Variants in DPYSL2 observed in about 807,000 individuals in gnomAD.
DPYSL2 encodes the protein dihydropyrimidinase like 2.
Under a neutral mutation model 69.9 loss-of-function variants are expected in DPYSL2, and 13 were observed. The ratio of observed to expected loss-of-function variants is 0.19; its 90% confidence interval spans 0.12 to 0.30. The LOEUF (loss-of-function observed/expected upper bound fraction) is 0.30, where lower values mean the gene tolerates loss of function less well. Ranked by LOEUF, DPYSL2 falls within the 10% of genes least tolerant of loss-of-function variation. The pLI, the probability that DPYSL2 is intolerant of heterozygous loss-of-function variation, is 1.00. For synonymous variants in DPYSL2, 326 were observed against 359.1 expected (o/e 0.91, Z 1.04); for missense variants, 587 against 918.9 (o/e 0.64, Z 4.67).
At chr8:26,655,502 A>T (rs1383287664) in intron 13 of DPYSL2, 113 bp from the exon 14 acceptor site, 7 of 972,918 alleles carry the variant, frequency 7.2e-6, no homozygotes. Context: ...TCTCCAAAAA[A>T]AAAGAATGCG....
Position 26,592,003 on chromosome 8 carries a change from T to C in DPYSL2, c.628+8020T>C, listed in dbSNP as rs373638978. ...ACCACACTGTAAGTTTTTAGTAGTTTCGTTTAATATCCCTCTCTCTGTTCA... is the reference window on the plus strand; with the variant it reads ...ACCACACTGTAAGTTTTTAGTAGTTCCGTTTAATATCCCTCTCTCTGTTCA... On this transcript the variant is annotated intron_variant, in intron 3 of 13. Transcript: ENST00000521913. Among the ~76,000 whole-genome samples the C allele has an allele frequency of 9.3e-5, 14 of 150,642 alleles. No homozygotes were observed. The East Asian group carries it at 1.5e-3, about 17-fold the overall frequency.
intron 1 of DPYSL2, among the ~76,000 whole-genome samples, chr8:26,526,759 G>C (rs1808484974): frequency 6.6e-6 from 1 of 152,232 alleles, no homozygotes; most frequent in South Asian, 2.1e-4. Context: ...AGTCGATCCA[G>C]TTGGGTTTGT....
At chr8:26,523,392 C>A (rs1261668898) in intron 1 of DPYSL2, among the ~76,000 whole-genome samples, 4 of 152,068 alleles carry the variant, frequency 2.6e-5, no homozygotes, top group Non-Finnish European at 5.9e-5. Context: ...AGTATATTCA[C>A]ATTGTTGTGC....
chr8:26,576,460 G>A (rs1563392771), intron 1 of DPYSL2, among the ~76,000 whole-genome samples: 3 of 151,964 alleles, frequency 2.0e-5, no homozygotes, highest in Admixed American at 1.3e-4. Context: ...TGGTCCAGAT[G>A]TTTTAGTTAT....
Position 26,533,555 on chromosome 8 carries a change from AG to A in DPYSL2, c.354+18880del, listed in dbSNP as rs1411774931. On this transcript the variant is annotated intron_variant, in intron 1 of 13. Coordinates refer to ENST00000521913, the MANE Select transcript of DPYSL2 (RefSeq NM_001197293.3). This position sits in a 1 kb window ranked among gnomAD's most constrained non-coding sequence, Gnocchi z 4.8. The stretch of plus-strand genomic sequence containing the variant: ...TTAATTTTTCTATGTGGTATGAGAC[AG>A]GGGTCTAACTTCATTATTTTGCCTG... Among the ~76,000 whole-genome samples, 3 of 152,220 alleles carry A rather than the reference AG, an allele frequency of 2.0e-5. No homozygotes were observed. The highest frequency in any genetic ancestry group is 4.4e-5 in the Non-Finnish European group (3 of 68,048).
intron 3 of DPYSL2, among the ~76,000 whole-genome samples, chr8:26,596,602 A>G (rs1282014631): frequency 6.6e-6 from 1 of 152,246 alleles, no homozygotes; most frequent in African/African-American, 2.4e-5. Context: ...GATATCATTT[A>G]TCGGGAATCT....
chr8:26,582,623 A>G lies in DPYSL2; in HGVS notation c.443+566A>G, dbSNP rs944077841. ...CCCTTGTGTTTATTGTGTTAATGTT[A>G]CAAAGGAGAAGCAACAGGGCAGTTC... On this transcript the variant is annotated intron_variant, in intron 2 of 13. Transcript: ENST00000521913. This position sits in a 1 kb window ranked among gnomAD's most constrained non-coding sequence, Gnocchi z 4.1. 3.3e-5 allele frequency among the ~76,000 whole-genome samples: 5 copies of G among 152,246 alleles called. No homozygotes were observed. Among genetic ancestry groups the G allele is most frequent in the Admixed American group, 2.0e-4 (3 of 15,292 alleles).
rs2129916320 is a variant in DPYSL2, at chr8:26,627,602, C to G, written c.937-270C>G. On this transcript the variant is annotated intron_variant, in intron 6 of 13. Transcript: ENST00000521913. The surrounding 1 kb of genome is among the most constrained non-coding windows in gnomAD (Gnocchi z 6.9). Reference sequence around the variant, plus strand: ...TCACGTCACACACAGGCATTTTACACCGTGGCTGAGGGTTGCAAATGCACC... The same window carrying G: ...TCACGTCACACACAGGCATTTTACAGCGTGGCTGAGGGTTGCAAATGCACC... 6.6e-6 allele frequency among the ~76,000 whole-genome samples: 1 copy of G among 152,294 alleles called. No homozygotes were observed. The highest frequency in any genetic ancestry group is 2.4e-5 in the African/African-American group (1 of 41,568).
At chr8:26,519,470 A>G (rs903956618) in intron 1 of DPYSL2, among the ~76,000 whole-genome samples, 1 of 152,216 alleles carries the variant, frequency 6.6e-6, no homozygotes, top group African/African-American at 2.4e-5. Flanking sequence ...GTAGCATTAT[A>G]TAACTCTAGA....
chr8:26,578,013 C>G, intron 1 of DPYSL2: 1 of 1,384,608 alleles, frequency 7.2e-7, no homozygotes, highest in Non-Finnish European at 9.3e-7. Flanking sequence ...CTCTCTCTCT[C>G]TCTCTTTTTT....
In DPYSL2 at chr8:26,601,885, G is replaced by A. The variant is rs1320474781; in HGVS notation, c.628+17902G>A. 2.6e-5 allele frequency among the ~76,000 whole-genome samples: 4 copies of A among 152,228 alleles called. 1 individual carries two copies. In the South Asian group the frequency reaches 8.3e-4, roughly 31 times the overall value. On this transcript the variant is annotated intron_variant, in intron 3 of 13. Transcript: ENST00000521913. ...TAGCTTGAAATAAGCTCATAGTGGT[G>A]CGAAAGCAGGGATATTGAGGCAGGA...
At chr8:26,546,184 G>T (rs189925342) in intron 1 of DPYSL2, among the ~76,000 whole-genome samples, 1 of 152,216 alleles carries the variant, frequency 6.6e-6, no homozygotes, top group African/African-American at 2.4e-5. Context: ...AAAATTGTAG[G>T]TTTCCTTACA....
intron 1 of DPYSL2, among the ~76,000 whole-genome samples, chr8:26,541,011 T>C (rs770225417): frequency 6.6e-6 from 1 of 152,014 alleles, no homozygotes; most frequent in Non-Finnish European, 1.5e-5. Context: ...CAATTTGTGA[T>C]GGAGTTAAGT....
At chr8:26,583,555 G>A (rs1801534339) in intron 2 of DPYSL2, among the ~76,000 whole-genome samples, 1 of 152,074 alleles carries the variant, frequency 6.6e-6, no homozygotes, top group Non-Finnish European at 1.5e-5. Flanking sequence ...GGGGTTTCTT[G>A]GGAACAAAAC....
At chr8:26,542,223 G>C (rs1186528732) in intron 1 of DPYSL2, among the ~76,000 whole-genome samples, 1 of 152,192 alleles carries the variant, frequency 6.6e-6, no homozygotes, top group African/African-American at 2.4e-5. Context: ...GGGAGGTTGA[G>C]GCTGCAGTGA....
chr8:26,628,242 G>A (rs1014502953), intron 7 of DPYSL2, among the ~76,000 whole-genome samples: 2 of 152,358 alleles, frequency 1.3e-5, no homozygotes, highest in Middle Eastern at 3.4e-3. Flanking sequence ...CTGCAATGTA[G>A]ATTTTAGTGG....
In DPYSL2 at chr8:26,514,772, C is replaced by A; in HGVS notation, c.354+93C>A. 1 of 1,124,182 alleles carries A rather than the reference C, an allele frequency of 8.9e-7. No individual in the cohort carries two copies. The highest frequency in any genetic ancestry group is 1.2e-6 in the Non-Finnish European group (1 of 850,444). The allele number at this position is 1,124,182 out of a possible 1,614,324, so 69.6% of individuals were successfully genotyped here. A position where few individuals can be genotyped will look rare whatever the true frequency, so the allele number is the denominator to read the frequency against. ...GCCCGGCGCGCCCGCCTTCATGCCC[C>A]GCCCTGGACCTCGCCTCCCGCATCT... On this transcript the variant is annotated intron_variant, in intron 1 of 13. Coordinates refer to ENST00000521913, the MANE Select transcript of DPYSL2 (RefSeq NM_001197293.3). This position sits in a 1 kb window ranked among gnomAD's most constrained non-coding sequence, Gnocchi z 8.4.
chr8:26,652,563 G>A lies in DPYSL2; in HGVS notation c.1776+127G>A, dbSNP rs930938882. 1.3e-5 allele frequency: 14 copies of A among 1,068,926 alleles called. No individual in the cohort carries two copies. In the Admixed American group the frequency reaches 2.0e-4, roughly 15 times the overall value. 66.2% of individuals were successfully genotyped at this position (1,068,926 alleles called of 1,614,324 possible). ...TAGTGGATTCCAGGGATAAGAGGGA[G>A]CCTGAATTTTTTATTCCTGGCATTT... On this transcript the variant is annotated intron_variant, in intron 12 of 13. Coordinates refer to ENST00000521913, the MANE Select transcript of DPYSL2 (RefSeq NM_001197293.3). This position sits in a 1 kb window ranked among gnomAD's most constrained non-coding sequence, Gnocchi z 6.3.
At chr8:26,592,010 A>G in intron 3 of DPYSL2, among the ~76,000 whole-genome samples, 1 of 150,032 alleles carries the variant, frequency 6.7e-6, no homozygotes, top group Non-Finnish European at 1.5e-5. Flanking sequence ...GTTTCGTTTA[A>G]TATCCCTCTC....
Sources: gnomAD v4.1 joint callset for allele counts (sites outside exome capture counted in the v4.1 genomes callset) on GRCh38, gnomAD v4.1.1 for gene constraint, Gnocchi (gnomAD v3.1) non-coding constraint, MANE v1.5 for transcripts, NCBI Gene and HGNC (gene_info 2026-07-23, HGNC 2026-07-21) for gene names.